TCFL5: variants seen among roughly 807,000 people sequenced by gnomAD.
TCFL5 encodes the protein transcription factor-like 5 protein.
Under a neutral mutation model 44.3 loss-of-function variants are expected in TCFL5, and 9 were observed. The observed-to-expected ratio is 0.20, with a 90% confidence interval of 0.12 to 0.35. The LOEUF (loss-of-function observed/expected upper bound fraction) is 0.35, where lower values mean the gene tolerates loss of function less well. Ranked by LOEUF, TCFL5 falls within the 10% of genes least tolerant of loss-of-function variation. TCFL5 has a pLI of 1.00. For missense variants in TCFL5, 603 were observed against 613.4 expected, an observed-to-expected ratio of 0.98 and a Z score of 0.18; for synonymous variants, 319 against 271.6, an observed-to-expected ratio of 1.17 and a Z score of -1.72.
At chr20:62,859,989 G>T in intron 2 of TCFL5, 136 bp downstream of exon 2, 1 of 847,440 alleles carries the variant, frequency 1.2e-6, no homozygotes, top group Non-Finnish European at 1.8e-6. Context: ...GATTACAGGT[G>T]TCGGCCTTGG....
Position 62,841,925 on chromosome 20 carries a change from G to A in TCFL5, c.*50C>T, listed in dbSNP as rs2147238708. On this transcript the variant is annotated 3_prime_UTR_variant, in exon 6 of 6. Transcript: ENST00000335351. The stretch of plus-strand genomic sequence containing the variant: ...TCCAGGGTTGCAGAAGGCGTGCACA[G>A]GTCACGAAGGAATGGCTGTTCACCC... 1 of 1,610,642 alleles carries A rather than the reference G, an allele frequency of 6.2e-7. No individual in the cohort carries two copies. Among genetic ancestry groups the A allele is most frequent in the South Asian group, 1.1e-5 (1 of 90,792 alleles).
chr20:62,855,377 G>C (rs917218382), intron 4 of TCFL5, among the ~76,000 whole-genome samples: 1 of 152,124 alleles, frequency 6.6e-6, no homozygotes, highest in Admixed American at 6.6e-5. Context: ...TGCCCAGGCT[G>C]GTTTCAAACT....
chr20:62,848,677 G>A (rs937837677), intron 5 of TCFL5, among the ~76,000 whole-genome samples: 2 of 152,142 alleles, frequency 1.3e-5, no homozygotes, highest in Non-Finnish European at 2.9e-5. Context: ...GGCGGAGGTT[G>A]CAGTCAGCCG....
Position 62,845,728 on chromosome 20 carries a change from ATT to A in TCFL5, c.1381-3633_1381-3632del, listed in dbSNP as rs775008515. ...CAATATGACGAGGACTCGGAGACAT[ATT>A]TCTGTCCCTGCCCATGCGGAGATAA... On this transcript the variant is annotated intron_variant, in intron 5 of 5. Coordinates refer to ENST00000335351, the MANE Select transcript of TCFL5 (RefSeq NM_006602.4). The A allele has an allele frequency of 1.3e-5, 21 of 1,606,656 alleles. No individual in the cohort carries two copies. In the South Asian group the frequency reaches 2.3e-4, roughly 18 times the overall value.
intron 5 of TCFL5, chr20:62,852,960 G>A (rs189759496): frequency 1.3e-4 from 169 of 1,284,034 alleles, no homozygotes; most frequent in Middle Eastern, 4.3e-4. Context: ...CACCTAGTCC[G>A]CAGAAGCATG....
At chr20:62,852,637 C>T (rs2063826074) in intron 5 of TCFL5, 1 of 974,782 alleles carries the variant, frequency 1.0e-6, no homozygotes, top group Non-Finnish European at 1.2e-6. Flanking sequence ...TCACCCAGTC[C>T]ACAGAAGTAT....
chr20:62,841,695 G>C lies in TCFL5; in HGVS notation c.*280C>G, dbSNP rs1227039547. The C allele has an allele frequency of 1.3e-5, 3 of 237,036 alleles. No homozygotes were observed. Among genetic ancestry groups the C allele is most frequent in the Non-Finnish European group, 1.6e-5 (2 of 123,838 alleles). 14.7% of individuals were successfully genotyped at this position (237,036 alleles called of 1,614,324 possible). On this transcript the variant is annotated 3_prime_UTR_variant, in exon 6 of 6. Transcript: ENST00000335351. ...GTTAAGAAAACATGATGGAATCAGA[G>C]CATTGAGAAAATGCTTACTAATTAT...
intron 5 of TCFL5, chr20:62,846,197 A>C: frequency 1.0e-6 from 1 of 972,650 alleles, no homozygotes. Context: ...GGAAGAAAAT[A>C]ATCATCCTCA....
At chr20:62,844,573 TTGTTTTTTG>T (rs2063716994) in intron 5 of TCFL5, among the ~76,000 whole-genome samples, 2 of 137,572 alleles carry the variant, frequency 1.5e-5, no homozygotes, top group Admixed American at 6.8e-5. Context: ...TTTTTTTTGT[TTGTTTTTTG>T]TTTTTTTTTT....
At chr20:62,857,269 A>G (rs965481361) in intron 4 of TCFL5, 126 bp downstream of exon 4, 7 of 1,352,240 alleles carry the variant, frequency 5.2e-6, no homozygotes, top group Middle Eastern at 4.2e-4. Flanking sequence ...GGGAAAGCTA[A>G]CGATGCTCCT....
At chr20:62,857,716 T>G in intron 3 of TCFL5, 78 bp from the exon 4 acceptor site, 1 of 1,515,200 alleles carries the variant, frequency 6.6e-7, no homozygotes, top group Non-Finnish European at 8.9e-7. Flanking sequence ...TTTGGCCTTT[T>G]CAATCCAAGA....
At chr20:62,860,884 G>A (rs1360033058) in intron 1 of TCFL5, 140 bp downstream of exon 1, 4 of 691,420 alleles carry the variant, frequency 5.8e-6, no homozygotes, top group African/African-American at 3.9e-5. Context: ...CCCCAGACCC[G>A]GTGAGGTCCG....
At position 62,859,530 on chromosome 20, in the gene TCFL5, G is replaced by C. The variant is rs959309915; in HGVS notation, c.832-4C>G. Reference sequence around the variant, plus strand: ...CAGAACATGAGTTACTAGAACTCTGGAAAAAAATGAAGCAACAGGAATTTT... The same window carrying C: ...CAGAACATGAGTTACTAGAACTCTGCAAAAAAATGAAGCAACAGGAATTTT... On this transcript the variant is annotated splice_polypyrimidine_tract_variant and splice_region_variant and intron_variant, in intron 2 of 5. Coordinates refer to ENST00000335351, the MANE Select transcript of TCFL5 (RefSeq NM_006602.4). 3 of 1,600,248 alleles carry C rather than the reference G, an allele frequency of 1.9e-6. No homozygotes were observed. In the African/African-American group the frequency reaches 4.1e-5, roughly 22 times the overall value.
chr20:62,855,388 CCT>C (rs1407580290), intron 4 of TCFL5, among the ~76,000 whole-genome samples: 25 of 152,312 alleles, frequency 1.6e-4, no homozygotes, highest in African/African-American at 5.3e-4. Context: ...GTTTCAAACT[CCT>C]GGGCTCAAGC....
chr20:62,860,809 G>T (rs956476456), intron 1 of TCFL5, among the ~76,000 whole-genome samples: 1 of 152,218 alleles, frequency 6.6e-6, no homozygotes, highest in East Asian at 1.9e-4. Flanking sequence ...GAGGGAGGGG[G>T]TGTTTAGTTT....
chr20:62,845,362 A>G, intron 5 of TCFL5: 1 of 1,140,908 alleles, frequency 8.8e-7, no homozygotes, highest in South Asian at 1.9e-5. Flanking sequence ...ACCTCAGGTA[A>G]TCTGCCCACC....
chr20:62,852,443 A>G, intron 5 of TCFL5: 1 of 971,110 alleles, frequency 1.0e-6, no homozygotes, highest in Non-Finnish European at 1.2e-6. Context: ...TGTGACTGAC[A>G]CCTTCTTCCT....
At chr20:62,857,031 GACC>G (rs1258693213) in intron 4 of TCFL5, among the ~76,000 whole-genome samples, 2 of 152,164 alleles carry the variant, frequency 1.3e-5, no homozygotes, top group Admixed American at 1.3e-4. Context: ...CACGTTTTCA[GACC>G]ACATGGCTGG....
intron 5 of TCFL5, among the ~76,000 whole-genome samples, chr20:62,848,260 G>A (rs533310622): frequency 3.4e-4 from 52 of 152,368 alleles, no homozygotes; most frequent in African/African-American, 1.3e-3. Flanking sequence ...GGCCCCAGGA[G>A]TGGCTGGCAC....
Sources: gnomAD v4.1 joint callset for allele counts (sites outside exome capture counted in the v4.1 genomes callset) on GRCh38, gnomAD v4.1.1 for gene constraint, MANE v1.5 for transcripts, NCBI Gene and HGNC (gene_info 2026-07-23, HGNC 2026-07-21) for gene names.